The following CFH variants were observed in gnomAD, a reference collection of about 807,000 sequenced individuals.
CFH encodes the protein H factor 1 (complement).
A neutral mutation model predicts 147.3 loss-of-function variants in CFH; 53 were observed. The observed-to-expected ratio is 0.36, with a 90% CI of 0.29 to 0.45. The LOEUF is 0.45. CFH is among the 20% of genes least tolerant of loss of function. The pLI, the probability that CFH is intolerant of heterozygous loss-of-function variation, is 1.00. For synonymous variants in CFH, 536 were observed against 489.4 expected (o/e 1.10, Z -1.26); for missense variants, 1,380 against 1,498.0 (o/e 0.92, Z 1.30).
chr1:196,699,812 A>G (rs1291781871), intron 9 of CFH, among the ~76,000 whole-genome samples: 1 of 152,190 alleles, frequency 6.6e-6, no homozygotes, highest in Admixed American at 6.6e-5. Flanking sequence ...AAATTTTTAA[A>G]AACAGTTAAG....
At chr1:196,714,699 A>G (rs1474786781) in intron 10 of CFH, among the ~76,000 whole-genome samples, 13 of 121,260 alleles carry the variant, frequency 1.1e-4, no homozygotes, top group African/African-American at 2.9e-4. Context: ...AGAGAGAGAG[A>G]GAGAGAGAGA....
At chr1:196,729,536 T>C (rs1669232876) in intron 15 of CFH, among the ~76,000 whole-genome samples, 1 of 152,042 alleles carries the variant, frequency 6.6e-6, no homozygotes, top group East Asian at 1.9e-4. Context: ...CATCAGGGGA[T>C]TTTGCCTGTA....
At chr1:196,725,573 C>CTT (rs1055037903) in intron 12 of CFH, among the ~76,000 whole-genome samples, 1 of 152,146 alleles carries the variant, frequency 6.6e-6, no homozygotes, top group African/African-American at 2.4e-5. Flanking sequence ...AAAGGAATAA[C>CTT]TGAGTCTGGA....
chr1:196,747,485 A>T lies in CFH; in HGVS notation c.*172A>T. On this transcript the variant is annotated 3_prime_UTR_variant, in exon 22 of 22. Coordinates refer to ENST00000367429, the MANE Select transcript of CFH (RefSeq NM_000186.4). ...GTGGCTCTCTTCTTAAAAGCACCATATTAAATCCTGGAAAACTAACGGTTG... is the reference window on the plus strand; with the variant it reads ...GTGGCTCTCTTCTTAAAAGCACCATTTTAAATCCTGGAAAACTAACGGTTG... The T allele has an allele frequency of 1.1e-6, 1 of 900,424 alleles. No homozygotes were observed. Among genetic ancestry groups the T allele is most frequent in the Non-Finnish European group, 1.7e-6 (1 of 582,784 alleles). 55.8% of individuals were successfully genotyped at this position (900,424 alleles called of 1,614,324 possible).
chr1:196,692,857 C>A (rs1668110227), intron 9 of CFH, among the ~76,000 whole-genome samples: 1 of 119,916 alleles, frequency 8.3e-6, no homozygotes, highest in Non-Finnish European at 1.7e-5. Context: ...CCCTCCCTCC[C>A]TTCCCTCCCT....
chr1:196,730,181 T>G (rs1255800008), intron 15 of CFH, among the ~76,000 whole-genome samples: 1 of 151,880 alleles, frequency 6.6e-6, no homozygotes, highest in Non-Finnish European at 1.5e-5. Flanking sequence ...ACTAGACTGT[T>G]TATTTGAGTT....
At chr1:196,669,842 G>A (rs890204885) in intron 1 of CFH, among the ~76,000 whole-genome samples, 4 of 152,208 alleles carry the variant, frequency 2.6e-5, no homozygotes, top group African/African-American at 9.6e-5. Context: ...CAGAATGGTA[G>A]ATTCACTGAC....
chr1:196,703,876 C>T (rs112005340), intron 9 of CFH, among the ~76,000 whole-genome samples: 2 of 142,794 alleles, frequency 1.4e-5, no homozygotes, highest in Admixed American at 7.5e-5. Flanking sequence ...CCCAGCTACT[C>T]GGGAGGCTGA....
intron 9 of CFH, among the ~76,000 whole-genome samples, chr1:196,693,388 A>G (rs1432797952): frequency 1.3e-5 from 2 of 152,122 alleles, no homozygotes; most frequent in Non-Finnish European, 2.9e-5. Flanking sequence ...CTGAAGATAG[A>G]CAGAGTAGTC....
At chr1:196,701,497 A>T in intron 9 of CFH, 2 of 1,039,962 alleles carry the variant, frequency 1.9e-6, no homozygotes, top group Admixed American at 2.2e-5. Context: ...GGAAATGCTA[A>T]TTCAGCTCCT....
intron 3 of CFH, among the ~76,000 whole-genome samples, chr1:196,674,671 A>G: frequency 6.6e-6 from 1 of 152,212 alleles, no homozygotes. Flanking sequence ...AATATTACAA[A>G]TGGAATAACA....
chr1:196,665,376 T>C (rs980992765), intron 1 of CFH, among the ~76,000 whole-genome samples: 1 of 150,586 alleles, frequency 6.6e-6, no homozygotes, highest in Non-Finnish European at 1.5e-5. Flanking sequence ...ATAAAATAAA[T>C]ATAATTATAG....
At chr1:196,652,591 T>G (rs531946816) in intron 1 of CFH, among the ~76,000 whole-genome samples, 2 of 151,898 alleles carry the variant, frequency 1.3e-5, no homozygotes, top group East Asian at 3.9e-4. Flanking sequence ...TTATTTCAAA[T>G]ATGATTTTAA....
rs934937307 is a variant in CFH, at chr1:196,674,099, A to C, written c.350+137A>C. On this transcript the variant is annotated intron_variant, in intron 3 of 21. Coordinates refer to ENST00000367429, the MANE Select transcript of CFH (RefSeq NM_000186.4). ...TACACAAGTACCTGAAAGTTTAACT[A>C]TGATGGAAATAATTAAATCTGGATA... is the stretch of plus-strand genomic sequence containing the variant. 1.1e-5 allele frequency: 7 copies of C among 652,912 alleles called. No homozygotes were observed. In the African/African-American group the frequency reaches 1.3e-4, roughly 12 times the overall value. 40.4% of individuals were successfully genotyped at this position (652,912 alleles called of 1,614,324 possible).
intron 20 of CFH, among the ~76,000 whole-genome samples, chr1:196,744,032 G>T (rs1190688978): frequency 6.6e-6 from 1 of 152,106 alleles, no homozygotes; most frequent in Non-Finnish European, 1.5e-5. Context: ...TATATTTAAA[G>T]GTGTGTGACT....
chr1:196,701,854 C>CA (rs1176788180), intron 9 of CFH, among the ~76,000 whole-genome samples: 2 of 151,838 alleles, frequency 1.3e-5, no homozygotes, highest in Non-Finnish European at 2.9e-5. Flanking sequence ...TTCCATGAAA[C>CA]AAAAAAAGAT....
At chr1:196,746,136 A>T in intron 21 of CFH, 137 bp downstream of exon 21, 1 of 1,516,074 alleles carries the variant, frequency 6.6e-7, no homozygotes. Flanking sequence ...TCTGTCAGAA[A>T]GTAAAGTTTA....
At chr1:196,721,990 A>T (rs203668) in intron 11 of CFH, among the ~76,000 whole-genome samples, 20 of 151,938 alleles carry the variant, frequency 1.3e-4, no homozygotes, top group Non-Finnish European at 2.9e-4. Flanking sequence ...CTGTTTTCCA[A>T]ATTTGGTCCA....
intron 19 of CFH, among the ~76,000 whole-genome samples, chr1:196,742,338 T>C (rs1034464392): frequency 6.6e-6 from 1 of 152,152 alleles, no homozygotes; most frequent in Admixed American, 6.5e-5. Flanking sequence ...ATCGTGCCAC[T>C]GCACTCCACC....
Sources: gnomAD v4.1 joint callset for allele counts (sites outside exome capture counted in the v4.1 genomes callset) on GRCh38, gnomAD v4.1.1 for gene constraint, MANE v1.5 for transcripts, NCBI Gene and HGNC (gene_info 2026-07-23, HGNC 2026-07-21) for gene names.